STK33: variants seen among roughly 807,000 people sequenced by gnomAD.
The protein encoded by STK33 is serine/threonine kinase 33.
A neutral mutation model predicts 58.0 loss-of-function variants in STK33; 52 were observed. The ratio of observed to expected loss-of-function variants is 0.90; its 90% confidence interval spans 0.72 to 1.13. The LOEUF (loss-of-function observed/expected upper bound fraction) is 1.13. Among genes scored for constraint, STK33 ranks in the 50% most tolerant of loss-of-function variants. The pLI is 0.00. For missense variants in STK33, 630 were observed against 604.2 expected (o/e 1.04, Z -0.45); for synonymous variants, 215 against 200.1 (o/e 1.07, Z -0.63).
At chr11:8,529,109 G>A (rs1036426366) in intron 1 of STK33, among the ~76,000 whole-genome samples, 5 of 152,162 alleles carry the variant, frequency 3.3e-5, no homozygotes, top group South Asian at 2.1e-4. Context: ...GTCTGATTCC[G>A]TCTTGTTCTT....
chr11:8,383,722 T>C, the STK33 span, among the ~76,000 whole-genome samples: 1 of 152,204 alleles, frequency 6.6e-6, no homozygotes, highest in East Asian at 1.9e-4. Context: ...TTTCATGTCA[T>C]TCCACTCCAT....
At chr11:8,350,682 G>A in the STK33 span, among the ~76,000 whole-genome samples, 1 of 152,126 alleles carries the variant, frequency 6.6e-6, no homozygotes, top group Non-Finnish European at 1.5e-5. Flanking sequence ...GGACAGGAGT[G>A]GCCAGCCCAT....
At chr11:8,400,722 C>T (rs1286938225) in intron 15 of STK33, among the ~76,000 whole-genome samples, 1 of 152,170 alleles carries the variant, frequency 6.6e-6, no homozygotes, top group African/African-American at 2.4e-5. Context: ...TAGAAAACCC[C>T]ATTATCTCAG....
chr11:8,534,568 C>CTCTGTGTGTGTGTG (rs1402710450), intron 1 of STK33, among the ~76,000 whole-genome samples: 2 of 104,694 alleles, frequency 1.9e-5, no homozygotes, highest in African/African-American at 4.1e-5. Context: ...CTCTCTCTCT[C>CTCTGTGTGTGTGTG]TGTGTGTGTG....
chr11:8,417,480 C>G (rs1941294053), intron 14 of STK33, among the ~76,000 whole-genome samples: 3 of 152,044 alleles, frequency 2.0e-5, no homozygotes, highest in Non-Finnish European at 4.4e-5. Context: ...GCTTTGTAAA[C>G]AGTAAGCACT....
At chr11:8,374,124 A>T in the STK33 span, among the ~76,000 whole-genome samples, 2 of 152,148 alleles carry the variant, frequency 1.3e-5, no homozygotes, top group Non-Finnish European at 2.9e-5. Context: ...AAGTCTAGAG[A>T]TCTGGCTGAT....
chr11:8,580,008 A>C (rs1197588288), intron 1 of STK33, among the ~76,000 whole-genome samples: 1 of 152,140 alleles, frequency 6.6e-6, no homozygotes, highest in Non-Finnish European at 1.5e-5. Context: ...ACCTTCATAC[A>C]CTGTTTTTGG....
chr11:8,578,329 G>T (rs10160430), intron 1 of STK33, among the ~76,000 whole-genome samples: 70,186 of 151,802 alleles, frequency 0.46, 16,401 homozygotes, highest in Non-Finnish European at 0.5. Context: ...AGCATCACTT[G>T]TAATAGCAAA....
At chr11:8,418,650 G>C (rs1413117096) in intron 14 of STK33, among the ~76,000 whole-genome samples, 1 of 152,152 alleles carries the variant, frequency 6.6e-6, no homozygotes, top group Non-Finnish European at 1.5e-5. Context: ...TTAGCTCTCT[G>C]AGGAATCGCC....
intron 6 of STK33, 109 bp downstream of exon 6, chr11:8,473,049 CTCTTT>C: frequency 1.3e-5 from 8 of 625,488 alleles, no homozygotes; most frequent in Middle Eastern, 2.7e-4. Context: ...GGTACATTTC[CTCTTT>C]TCTTTACTTC....
chr11:8,356,512 C>T, the STK33 span, among the ~76,000 whole-genome samples: 1 of 150,456 alleles, frequency 6.6e-6, no homozygotes, highest in African/African-American at 2.5e-5. Flanking sequence ...GGATGTCAGA[C>T]AGGGAGGTTT....
intron 1 of STK33, among the ~76,000 whole-genome samples, chr11:8,569,956 T>C (rs1197512883): frequency 6.6e-6 from 1 of 151,522 alleles, no homozygotes; most frequent in Non-Finnish European, 1.5e-5. Context: ...CTCAAAAAAA[T>C]AAATAAATAG....
At chr11:8,473,344 C>T in intron 5 of STK33, 68 bp from the exon 6 acceptor site, 1 of 919,304 alleles carries the variant, frequency 1.1e-6, no homozygotes, top group Non-Finnish European at 1.7e-6. Context: ...ACAAAGAATC[C>T]TAATTTAGAT....
At position 8,401,593 on chromosome 11, in the gene STK33, T is replaced by C. The variant is rs536301036; in HGVS notation, c.1345-8883A>G. Among the ~76,000 whole-genome samples the C allele has an allele frequency of 1.8e-4, 28 of 152,206 alleles. No homozygotes were observed. In the East Asian group the frequency reaches 5.4e-3, roughly 29 times the overall value. On this transcript the variant is annotated intron_variant, in intron 15 of 15. Coordinates refer to ENST00000687296, the MANE Select transcript of STK33 (RefSeq NM_001352389.2). ...TTCATGTCTAAAACACCAAAAGCAATGGCAACAAAAGTCAAAATTGACAAA... is the reference window on the plus strand; with the variant it reads ...TTCATGTCTAAAACACCAAAAGCAACGGCAACAAAAGTCAAAATTGACAAA...
chr11:8,483,265 C>T (rs950294132), intron 1 of STK33, among the ~76,000 whole-genome samples: 1 of 152,034 alleles, frequency 6.6e-6, no homozygotes, highest in African/African-American at 2.4e-5. Context: ...CATGCAAGGG[C>T]CCAGAACCTG....
chr11:8,507,870 T>A (rs929693673), intron 1 of STK33, among the ~76,000 whole-genome samples: 1 of 152,244 alleles, frequency 6.6e-6, no homozygotes, highest in African/African-American at 2.4e-5. Context: ...ACCTTGTTTT[T>A]ACTTTGTTTT....
At chr11:8,417,994 T>C (rs928052184) in intron 14 of STK33, among the ~76,000 whole-genome samples, 5 of 152,182 alleles carry the variant, frequency 3.3e-5, no homozygotes, top group Admixed American at 3.3e-4. Context: ...GTTGTACTAC[T>C]GATGTAATAG....
chr11:8,416,813 T>G (rs774549800), intron 14 of STK33, among the ~76,000 whole-genome samples: 4 of 152,146 alleles, frequency 2.6e-5, no homozygotes, highest in Admixed American at 6.6e-5. Context: ...TATGTGGAAA[T>G]TTTTAGCTCT....
rs77361503 is a variant in STK33, at chr11:8,464,793, T to C, written c.369A>G (p.Gly123=). Residue 123 remains glycine (G), a synonymous_variant, in exon 7 of 16, where the codon GGA becomes GGG. Transcript: ENST00000687296. ...CAATGACTATTCCAAAGCTCCCTTT[T>C]CCCAATATTCTTCCAAAGGTATAGA... ...EEIYTFGRIL[G]KGSFGIVIEA... The C allele has an allele frequency of 1.2e-6, 2 of 1,612,006 alleles. No individual in the cohort carries two copies. Among genetic ancestry groups the C allele is most frequent in the East Asian group, 4.5e-5 (2 of 44,822 alleles).
Sources: allele counts gnomAD v4.1 joint callset (sites outside exome capture counted in the v4.1 genomes callset), GRCh38; gene constraint gnomAD v4.1.1; transcripts MANE v1.5; gene names NCBI Gene and HGNC (gene_info 2026-07-23, HGNC 2026-07-21).